The following PAM variants were observed in gnomAD, a reference collection of about 807,000 sequenced individuals.
PAM encodes the protein peptidyl-glycine alpha-amidating monooxygenase.
In PAM, 72 loss-of-function variants were observed where a neutral mutation model predicts 122.1. The ratio of observed to expected loss-of-function variants is 0.59; its 90% CI spans 0.49 to 0.72. The LOEUF (loss-of-function observed/expected upper bound fraction) is 0.72. Among genes scored for constraint, PAM ranks in the 30% least tolerant of loss-of-function variants. The probability of loss-of-function intolerance (pLI) is 0.00; values close to 1 mark genes in which losing one functional copy is unlikely to be tolerated. For synonymous variants in PAM, 389 were observed against 404.4 expected (o/e 0.96, Z 0.46); for missense variants, 1,106 against 1,183.7 (o/e 0.93, Z 0.96).
At chr5:102,762,138 C>A (rs753434106) in intron 1 of PAM, among the ~76,000 whole-genome samples, 5 of 152,108 alleles carry the variant, frequency 3.3e-5, no homozygotes, top group Non-Finnish European at 5.9e-5. Context: ...TGGTTATCTC[C>A]CCCAAATTCC....
In PAM at chr5:103,006,556, A is replaced by G. The variant is rs571561905; in HGVS notation, c.1804-245A>G. On this transcript the variant is annotated intron_variant, in intron 18 of 25. Coordinates refer to ENST00000438793, the MANE Select transcript of PAM (RefSeq NM_001177306.2). ...GGTATCCATGTACTAGTCTCCATTC[A>G]CTACTAATTAACCGCGTGACCTTGA... Among the ~76,000 whole-genome samples, 155 of 152,306 alleles carry G rather than the reference A, an allele frequency of 1.0e-3. 1 individual carries two copies. The highest frequency in any genetic ancestry group is 2.4e-3 in the Admixed American group (36 of 15,296).
At chr5:102,982,576 A>C (rs1770264127) in intron 15 of PAM, among the ~76,000 whole-genome samples, 1 of 152,212 alleles carries the variant, frequency 6.6e-6, no homozygotes, top group Non-Finnish European at 1.5e-5. Context: ...TTCTGCTAAA[A>C]ACTGCAGCCT....
intron 1 of PAM, among the ~76,000 whole-genome samples, chr5:102,809,737 G>A (rs1767372129): frequency 6.6e-6 from 1 of 152,236 alleles, no homozygotes; most frequent in Admixed American, 6.5e-5. Flanking sequence ...GTGAGAGAGG[G>A]TGAAACATTG....
chr5:102,767,327 G>A (rs1159242627), intron 1 of PAM, among the ~76,000 whole-genome samples: 6 of 152,004 alleles, frequency 3.9e-5, no homozygotes, highest in Admixed American at 2.0e-4. Flanking sequence ...CTTTTGTGGC[G>A]TTTTATCCAG....
At chr5:102,796,959 A>G (rs1342002514) in intron 1 of PAM, among the ~76,000 whole-genome samples, 3 of 152,256 alleles carry the variant, frequency 2.0e-5, no homozygotes, top group Non-Finnish European at 2.9e-5. Flanking sequence ...ACCTAATAAT[A>G]GAATAATGAT....
chr5:103,027,033 C>T (rs189634480), intron 24 of PAM, among the ~76,000 whole-genome samples: 1 of 152,206 alleles, frequency 6.6e-6, no homozygotes, highest in East Asian at 1.9e-4. Flanking sequence ...ATTATTTGAC[C>T]GTGTTTTACT....
chr5:103,023,406 G>A (rs1310159640), intron 23 of PAM, among the ~76,000 whole-genome samples: 1 of 150,710 alleles, frequency 6.6e-6, no homozygotes, highest in African/African-American at 2.4e-5. Context: ...TCTTTGGCCT[G>A]TGTTTTTTAC....
At chr5:102,987,508 T>C (rs568233137) in intron 15 of PAM, 129 of 454,492 alleles carry the variant, frequency 2.8e-4, no homozygotes, top group African/African-American at 2.4e-3. Flanking sequence ...TATTGTCTAT[T>C]TCCAAATAGC....
At position 103,025,257 on chromosome 5, in the gene PAM, C is replaced by T. The variant is rs778325139; in HGVS notation, c.2612C>T (p.Thr871Ile). The change falls in exon 24 of 26, where the codon ACC becomes ATC. Residue 871 changes from threonine to isoleucine, a missense_variant. This residue lies in a region of PAM where 333 missense variants were observed against 335.6 expected (regional missense o/e 0.99). Transcript: ENST00000438793. ...GGAGTGCCTGTTGTTCTCATTACAACCCTTCTGGTTATTCCGGTGGTTGTC... is the reference window on the plus strand; with the variant it reads ...GGAGTGCCTGTTGTTCTCATTACAATCCTTCTGGTTATTCCGGTGGTTGTC... Reference protein sequence around the residue: ...GSGVPVVLITTLLVIPVVVLL... With the variant: ...GSGVPVVLITILLVIPVVVLL... The T allele has an allele frequency of 6.2e-7, 1 of 1,613,758 alleles. No homozygotes were observed. Among genetic ancestry groups the T allele is most frequent in the Non-Finnish European group, 8.5e-7 (1 of 1,179,734 alleles).
intron 1 of PAM, among the ~76,000 whole-genome samples, chr5:102,801,818 G>C (rs948804934): frequency 8.2e-6 from 1 of 121,790 alleles, no homozygotes; most frequent in African/African-American, 3.3e-5. Flanking sequence ...TCGCTCTGTC[G>C]CCCAGGCTGG....
At chr5:102,957,523 T>A (rs185729073) in intron 12 of PAM, among the ~76,000 whole-genome samples, 232 of 152,192 alleles carry the variant, frequency 1.5e-3, no homozygotes, top group African/African-American at 5.3e-3. Flanking sequence ...TTTGCTTTTT[T>A]TTTTCTTTTC....
In PAM at chr5:102,827,665, AT is replaced by A. The variant is rs947792228; in HGVS notation, c.-373-38126del. Among the ~76,000 whole-genome samples, 16 of 35,574 alleles carry A rather than the reference AT, an allele frequency of 4.5e-4. No individual in the cohort carries two copies. The East Asian group carries it at 0.01, about 23-fold the overall frequency. 23.3% of individuals were successfully genotyped at this position (35,574 alleles called of 152,430 possible). ...ACAATATCTTTTGAAGCTCACTATG[AT>A]TTTTTTTTTTTTTTTTTTTTTTTTT... is the stretch of plus-strand genomic sequence containing the variant. On this transcript the variant is annotated intron_variant, in intron 1 of 25. Transcript: ENST00000438793.
At chr5:102,826,313 T>G (rs468343) in intron 1 of PAM, among the ~76,000 whole-genome samples, 102,826 of 151,618 alleles carry the variant, frequency 0.68, 35,130 homozygotes, top group South Asian at 0.81. Flanking sequence ...AACAGATAGT[T>G]TCTGCTCTGT....
intron 15 of PAM, among the ~76,000 whole-genome samples, chr5:102,984,271 A>C: frequency 6.6e-6 from 1 of 152,242 alleles, no homozygotes; most frequent in Admixed American, 6.5e-5. Flanking sequence ...AAATGGATTA[A>C]GTTTCTCACT....
chr5:102,986,936 G>A (rs371348185), intron 15 of PAM, among the ~76,000 whole-genome samples: 12 of 152,312 alleles, frequency 7.9e-5, no homozygotes, highest in African/African-American at 2.6e-4. Context: ...GGAACTGTAA[G>A]TCCATTAAAC....
chr5:102,902,340 G>A (rs1221552649), intron 4 of PAM, among the ~76,000 whole-genome samples: 1 of 151,560 alleles, frequency 6.6e-6, no homozygotes, highest in African/African-American at 2.4e-5. Flanking sequence ...AGAGCAATGT[G>A]CATTTTTTAT....
intron 1 of PAM, among the ~76,000 whole-genome samples, chr5:102,786,461 T>C (rs1760567191): frequency 6.6e-6 from 1 of 152,200 alleles, no homozygotes; most frequent in Non-Finnish European, 1.5e-5. Context: ...CTTAGTCTTA[T>C]TTTCTAAATC....
At chr5:103,022,313 G>A (rs1377940087) in intron 23 of PAM, among the ~76,000 whole-genome samples, 1 of 151,126 alleles carries the variant, frequency 6.6e-6, no homozygotes, top group Non-Finnish European at 1.5e-5. Context: ...TATGCCATTT[G>A]CCTTCAGCCT....
intron 3 of PAM, among the ~76,000 whole-genome samples, chr5:102,877,390 A>C (rs1006874752): frequency 6.6e-6 from 1 of 152,228 alleles, no homozygotes; most frequent in Admixed American, 6.5e-5. Flanking sequence ...AATTGCAACA[A>C]TATTTTAGTC....
Sources: allele counts gnomAD v4.1 joint callset (sites outside exome capture counted in the v4.1 genomes callset), GRCh38; gene constraint gnomAD v4.1.1; regional missense constraint gnomAD v4.1.1; transcripts MANE v1.5; gene names NCBI Gene and HGNC (gene_info 2026-07-23, HGNC 2026-07-21).